The following FGD5 variants were observed in gnomAD, a reference collection of about 807,000 sequenced individuals.
FGD5 encodes the protein FYVE, RhoGEF and PH domain containing 5, also known as FYVE, RhoGEF and PH domain-containing protein 5.
Under a neutral mutation model 133.4 loss-of-function variants are expected in FGD5, and 28 were observed. The ratio of observed to expected loss-of-function variants is 0.21; its 90% confidence interval spans 0.16 to 0.29. The LOEUF (loss-of-function observed/expected upper bound fraction) is 0.29. Ranked by LOEUF, FGD5 falls within the 10% of genes least tolerant of loss-of-function variation. FGD5 has a pLI of 1.00. For missense variants in FGD5, 1,858 were observed against 1,895.2 expected, an observed-to-expected ratio of 0.98 and a Z score of 0.36; for synonymous variants, 810 against 776.5, an observed-to-expected ratio of 1.04 and a Z score of -0.72.
intron 4 of FGD5, among the ~76,000 whole-genome samples, chr3:14,881,392 G>A (rs192328382): frequency 2.4e-4 from 36 of 152,236 alleles, no homozygotes; most frequent in Admixed American, 1.2e-3. Flanking sequence ...TTGAGCTCTC[G>A]CTGCATAACA....
intron 17 of FGD5, among the ~76,000 whole-genome samples, 164 bp downstream of exon 17, chr3:14,924,302 T>C (rs1331380937): frequency 1.3e-5 from 2 of 152,128 alleles, no homozygotes; most frequent in Non-Finnish European, 2.9e-5. Context: ...GACTTGACAG[T>C]GATGGTGCTA....
intron 2 of FGD5, among the ~76,000 whole-genome samples, chr3:14,874,503 T>C (rs969947962): frequency 6.6e-6 from 1 of 152,008 alleles, no homozygotes; most frequent in African/African-American, 2.4e-5. Flanking sequence ...CTCTAAAAAA[T>C]AAAATAGCCT....
At chr3:14,868,051 C>G (rs1487666250) in intron 2 of FGD5, among the ~76,000 whole-genome samples, 1 of 152,026 alleles carries the variant, frequency 6.6e-6, no homozygotes, top group Non-Finnish European at 1.5e-5. Flanking sequence ...GACCTCTCCT[C>G]GCTCCCACTC....
At position 14,824,292 on chromosome 3, in the gene FGD5, C is replaced by T. The variant is rs371478736; in HGVS notation, c.2525+2696C>T. On this transcript the variant is annotated intron_variant, in intron 1 of 19. Transcript: ENST00000285046. ...ATCGCCAAGAGGCATGAGTGACTGC[C>T]GTGGGGCTGGGGGACCCTGCTTGTT... Among the ~76,000 whole-genome samples the T allele has an allele frequency of 1.9e-4, 29 of 152,266 alleles. No individual in the cohort carries two copies. In the East Asian group the frequency reaches 3.9e-3, roughly 20 times the overall value.
At chr3:14,861,204 G>A (rs2037391632) in intron 1 of FGD5, among the ~76,000 whole-genome samples, 2 of 152,274 alleles carry the variant, frequency 1.3e-5, no homozygotes, top group South Asian at 4.1e-4. Context: ...GGAAGGGACA[G>A]GAGAATACAG....
intron 1 of FGD5, among the ~76,000 whole-genome samples, chr3:14,844,695 CTG>C (rs1021989630): frequency 2.6e-5 from 4 of 152,146 alleles, no homozygotes; most frequent in African/African-American, 9.7e-5. Context: ...CTTCATGTCT[CTG>C]TGCCTCAGTT....
intron 4 of FGD5, among the ~76,000 whole-genome samples, chr3:14,891,806 C>T (rs2038033179): frequency 6.6e-6 from 1 of 152,220 alleles, no homozygotes; most frequent in South Asian, 2.1e-4. Context: ...GTTGGAGGCA[C>T]AGTGCGAGGG....
chr3:14,826,816 A>C (rs2036609549), intron 1 of FGD5, among the ~76,000 whole-genome samples: 1 of 152,080 alleles, frequency 6.6e-6, no homozygotes. Context: ...GTTTGACTTA[A>C]CGTTTAGGGC....
At position 14,917,009 on chromosome 3, in the gene FGD5, A is replaced by G. The variant is rs895612941; in HGVS notation, c.3406-240A>G. ...TCTGGCTGTTACAAATAAAGCCACTATGAACATACTCACACGACTTCTTGA... is the reference window on the plus strand; with the variant it reads ...TCTGGCTGTTACAAATAAAGCCACTGTGAACATACTCACACGACTTCTTGA... On this transcript the variant is annotated intron_variant, in intron 11 of 19. Coordinates refer to ENST00000285046, the MANE Select transcript of FGD5 (RefSeq NM_152536.4). This position sits in a 1 kb window ranked among gnomAD's most constrained non-coding sequence, Gnocchi z 4.1. Among the ~76,000 whole-genome samples the G allele has an allele frequency of 6.6e-5, 10 of 152,232 alleles. No homozygotes were observed. Among genetic ancestry groups the G allele is most frequent in the Admixed American group, 1.3e-4 (2 of 15,288 alleles).
chr3:14,884,628 A>G (rs574823307), intron 4 of FGD5, among the ~76,000 whole-genome samples: 1 of 152,322 alleles, frequency 6.6e-6, no homozygotes, highest in East Asian at 1.9e-4. Context: ...TTATGCTCAC[A>G]GACTCTCTGG....
chr3:14,810,928 C>T, intron 1 of FGD5: 1 of 983,390 alleles, frequency 1.0e-6, no homozygotes, highest in South Asian at 4.7e-5. Flanking sequence ...CCGGGCGCTC[C>T]AAGTTGGAGC....
At chr3:14,914,127 A>G (rs952598420) in intron 11 of FGD5, among the ~76,000 whole-genome samples, 1 of 152,202 alleles carries the variant, frequency 6.6e-6, no homozygotes, top group Non-Finnish European at 1.5e-5. Context: ...TAATGGAGGG[A>G]TACATGGGAG....
At chr3:14,901,570 T>A (rs973549094) in intron 9 of FGD5, among the ~76,000 whole-genome samples, 2 of 152,034 alleles carry the variant, frequency 1.3e-5, no homozygotes, top group African/African-American at 2.4e-5. Flanking sequence ...ATTCAGGTGG[T>A]CACCACATGC....
At chr3:14,895,295 G>C (rs1450267804) in intron 4 of FGD5, among the ~76,000 whole-genome samples, 2 of 152,208 alleles carry the variant, frequency 1.3e-5, no homozygotes, top group East Asian at 3.9e-4. Flanking sequence ...AATGTTCTAG[G>C]GTATTTCCCC....
chr3:14,929,004 C>G (rs772949447), intron 18 of FGD5, among the ~76,000 whole-genome samples: 1 of 152,106 alleles, frequency 6.6e-6, no homozygotes, highest in Non-Finnish European at 1.5e-5. Context: ...GATTAATGCA[C>G]ACACCTACAA....
upstream of FGD5, chr3:14,810,776 A>G: frequency 1.0e-6 from 1 of 979,548 alleles, no homozygotes; most frequent in Non-Finnish European, 1.2e-6. Flanking sequence ...CCGCGGAGGG[A>G]GGCGGTGTGC....
At chr3:14,895,743 A>G (rs1037952939) in intron 4 of FGD5, among the ~76,000 whole-genome samples, 2 of 151,940 alleles carry the variant, frequency 1.3e-5, no homozygotes, top group Non-Finnish European at 2.9e-5. Context: ...TAATTTTTGT[A>G]TTTTTTGTAA....
intron 13 of FGD5, among the ~76,000 whole-genome samples, chr3:14,920,952 G>C (rs950708093): frequency 1.4e-4 from 21 of 152,218 alleles, no homozygotes; most frequent in Non-Finnish European, 4.4e-5. Flanking sequence ...ATGCCTGGGT[G>C]GGGGTCGTGG....
At chr3:14,834,953 C>T (rs1285670657) in intron 1 of FGD5, among the ~76,000 whole-genome samples, 3 of 152,218 alleles carry the variant, frequency 2.0e-5, no homozygotes, top group Non-Finnish European at 4.4e-5. Flanking sequence ...ATCCTCCCAA[C>T]CGCCGTGCAA....
Sources: allele counts gnomAD v4.1 joint callset (sites outside exome capture counted in the v4.1 genomes callset), GRCh38; gene constraint gnomAD v4.1.1; non-coding constraint Gnocchi (gnomAD v3.1); transcripts MANE v1.5; gene names NCBI Gene and HGNC (gene_info 2026-07-23, HGNC 2026-07-21).